The following GSTM4 variants were observed in gnomAD, a reference collection of about 807,000 sequenced individuals.
GSTM4 encodes the protein GST class-mu 4.
GSTM4 carries 27 observed loss-of-function variants against 30.1 expected under a neutral mutation model. That is an observed-to-expected ratio of 0.90 (90% CI 0.66 to 1.24). The LOEUF is 1.24. GSTM4 is among the 50% of genes most tolerant of loss of function. GSTM4 has a pLI of 0.00. For missense variants in GSTM4, 238 were observed against 272.1 expected (o/e 0.87, Z 0.88); for synonymous variants, 94 against 96.2 (o/e 0.98, Z 0.13).
chr1:109,656,464 G>C, intron 1 of GSTM4, 39 bp downstream of exon 1: 2 of 1,612,664 alleles, frequency 1.2e-6, no homozygotes, highest in Non-Finnish European at 1.7e-6. Flanking sequence ...CCGGGCGCGT[G>C]GGCGGGAAGT....
downstream of GSTM4, among the ~76,000 whole-genome samples, chr1:109,662,649 A>G (rs1652358039): frequency 6.6e-6 from 1 of 152,260 alleles, no homozygotes; most frequent in Admixed American, 6.5e-5. Context: ...CAAGCTCATG[A>G]GAAGGTGCTC....
downstream of GSTM4, among the ~76,000 whole-genome samples, chr1:109,666,874 C>T (rs886200559): frequency 6.6e-6 from 1 of 152,166 alleles, no homozygotes; most frequent in East Asian, 1.9e-4. Flanking sequence ...TACAGGCACC[C>T]GCCACCAGGC....
In GSTM4 at chr1:109,656,505, G is replaced by C. The variant is rs1336600206; in HGVS notation, c.36+80G>C. 3.3e-6 allele frequency: 5 copies of C among 1,493,080 alleles called. No homozygotes were observed. In the East Asian group the frequency reaches 9.5e-5, roughly 28 times the overall value. 92.5% of individuals were successfully genotyped at this position (1,493,080 alleles called of 1,614,324 possible). ...GCGGCTGGGGACCGGCTCTAGGGAC[G>C]GTTCCCTCCTTAGGGCTATCTCTCA... On this transcript the variant is annotated intron_variant, in intron 1 of 7. Coordinates refer to ENST00000369836, the MANE Select transcript of GSTM4 (RefSeq NM_000850.5).
Position 109,657,855 on chromosome 1 carries a change from T to G in GSTM4, c.343T>G (p.Cys115Gly), listed in dbSNP as rs1557951981. Residue 115 changes from cysteine to glycine, a missense_variant, in exon 5 of 8, where the codon TGC becomes GGC. By Grantham distance (159) the Cys-to-Gly change is radical. Coordinates refer to ENST00000369836, the MANE Select transcript of GSTM4 (RefSeq NM_000850.5). ...MDVSNQLARVCYSPDFEKLKP... is the reference protein window; with the variant it reads ...MDVSNQLARVGYSPDFEKLKP... ...CGTCTCCAATCAGCTGGCCAGAGTCTGCTACAGCCCTGACTTTGTGAGTCC... is the reference window on the plus strand; with the variant it reads ...CGTCTCCAATCAGCTGGCCAGAGTCGGCTACAGCCCTGACTTTGTGAGTCC... 2.5e-6 allele frequency: 4 copies of G among 1,614,146 alleles called. No homozygotes were observed. Among genetic ancestry groups the G allele is most frequent in the Admixed American group, 1.7e-5 (1 of 60,030 alleles).
At chr1:109,665,521 C>T (rs1647288823), downstream of GSTM4, 1 of 157,852 alleles carries the variant, frequency 6.3e-6, no homozygotes, top group African/African-American at 2.4e-5. Flanking sequence ...GGTGTCACTT[C>T]AAATTTTGAA....
chr1:109,662,534 CA>C (rs1652354775), downstream of GSTM4, among the ~76,000 whole-genome samples: 1 of 152,222 alleles, frequency 6.6e-6, no homozygotes, highest in Non-Finnish European at 1.5e-5. Context: ...TACAAATCAA[CA>C]AAGGTCTTTT....
Position 109,661,217 on chromosome 1 carries a change from C to T in GSTM4, c.620C>T (p.Pro207Leu). ...AAGTCCAGCCGCTTCCTCCCAAAAC[C>T]TCTGTACACAAGGGTGGCTGTCTGG... ...YMKSSRFLPKPLYTRVAVWGN... is the reference protein window; with the variant it reads ...YMKSSRFLPKLLYTRVAVWGN... Residue 207 changes from proline (P) to leucine (L), a missense_variant, in exon 8 of 8, where the codon CCT (proline) becomes CTT (leucine). Pro to Leu is a moderately conservative substitution (Grantham distance 98). Coordinates refer to ENST00000369836, the MANE Select transcript of GSTM4 (RefSeq NM_000850.5). The T allele has an allele frequency of 6.2e-7, 1 of 1,611,242 alleles. No homozygotes were observed. The highest frequency in any genetic ancestry group is 8.5e-7 in the Non-Finnish European group (1 of 1,179,544).
chr1:109,665,250 C>G (rs904524718), downstream of GSTM4: 1 of 610,002 alleles, frequency 1.6e-6, no homozygotes, highest in East Asian at 2.8e-5. Context: ...CTGGGACATC[C>G]ATCTCTGCCT....
chr1:109,657,310 G>A, intron 3 of GSTM4, 31 bp downstream of exon 3: 4 of 1,609,398 alleles, frequency 2.5e-6, no homozygotes. Context: ...GGTTTTGGGG[G>A]AAAGTGCGAC....
downstream of GSTM4, among the ~76,000 whole-genome samples, chr1:109,661,998 A>G (rs977247529): frequency 6.6e-6 from 1 of 152,024 alleles, no homozygotes; most frequent in African/African-American, 2.4e-5. Flanking sequence ...GGCCACATTA[A>G]AAAAATTTTT....
downstream of GSTM4, among the ~76,000 whole-genome samples, chr1:109,662,017 G>T (rs1188419868): frequency 6.6e-6 from 1 of 152,076 alleles, no homozygotes; most frequent in Admixed American, 6.6e-5. Context: ...TTGTAGAGAT[G>T]TGTCTCTTTA....
At chr1:109,657,322 T>G in intron 3 of GSTM4, 43 bp downstream of exon 3, 1 of 1,599,996 alleles carries the variant, frequency 6.3e-7, no homozygotes, top group Non-Finnish European at 8.6e-7. Flanking sequence ...AAGTGCGACG[T>G]GTCTCTGACT....
At chr1:109,657,060 A>T (rs931806613) in intron 2 of GSTM4, 155 bp from the exon 3 acceptor site, 1 of 836,936 alleles carries the variant, frequency 1.2e-6, no homozygotes, top group Non-Finnish European at 2.0e-6. Flanking sequence ...CCTCAGCGGG[A>T]TTCTTTGTCC....
downstream of GSTM4, chr1:109,665,596 C>T (rs557108071): frequency 6.6e-6 from 1 of 152,616 alleles, no homozygotes; most frequent in Non-Finnish European, 1.5e-5. Flanking sequence ...AAAACACACA[C>T]ACACACAAAA....
rs750906268 is a variant in GSTM4, at chr1:109,656,357, G to A, written c.-33G>A. ...GGAGGTCGCAGTTCAGCCCAGCTGA[G>A]GCCTGTCTGCAGAATCGACACCAAC... On this transcript the variant is annotated 5_prime_UTR_variant, in exon 1 of 8. Coordinates refer to ENST00000369836, the MANE Select transcript of GSTM4 (RefSeq NM_000850.5). The A allele has an allele frequency of 1.2e-6, 2 of 1,612,364 alleles. No individual in the cohort carries two copies. The highest frequency in any genetic ancestry group is 1.7e-6 in the Non-Finnish European group (2 of 1,178,458).
intron 7 of GSTM4, chr1:109,660,719 G>C (rs886352228): frequency 1.1e-5 from 2 of 179,574 alleles, no homozygotes; most frequent in Admixed American, 5.4e-5. Flanking sequence ...GGAGGATGGG[G>C]ATTTGACAGA....
In GSTM4 at chr1:109,659,449, C is replaced by G. The variant is rs1040118133; in HGVS notation, c.567+339C>G. On this transcript the variant is annotated intron_variant, in intron 7 of 7. Coordinates refer to ENST00000369836, the MANE Select transcript of GSTM4 (RefSeq NM_000850.5). Reference sequence around the variant, plus strand: ...GCAGTCAGGGCTCTCCCTTTTGTGACAAAAGAAAGAAGCCTCAGGCCTCAT... The same window carrying G: ...GCAGTCAGGGCTCTCCCTTTTGTGAGAAAAGAAAGAAGCCTCAGGCCTCAT... The G allele has an allele frequency of 2.4e-6, 3 of 1,267,314 alleles. No homozygotes were observed. The African/African-American group carries it at 4.5e-5, about 19-fold the overall frequency. The allele number at this position is 1,267,314 out of a possible 1,614,324, so 78.5% of individuals were successfully genotyped here.
chr1:109,662,328 T>C (rs1408293751), downstream of GSTM4, among the ~76,000 whole-genome samples: 1 of 152,182 alleles, frequency 6.6e-6, no homozygotes, highest in Non-Finnish European at 1.5e-5. Flanking sequence ...GGAATTCCCA[T>C]CACAGAGAAC....
At chr1:109,659,457 A>C in intron 7 of GSTM4, 1 of 1,208,490 alleles carries the variant, frequency 8.3e-7, no homozygotes, top group Non-Finnish European at 1.1e-6. Flanking sequence ...GACAAAAGAA[A>C]GAAGCCTCAG....
Sources: allele counts gnomAD v4.1 joint callset (sites outside exome capture counted in the v4.1 genomes callset), GRCh38; gene constraint gnomAD v4.1.1; transcripts MANE v1.5; gene names NCBI Gene and HGNC (gene_info 2026-07-23, HGNC 2026-07-21).